Variants in RAB3GAP2 observed in about 807,000 individuals in gnomAD.
RAB3GAP2 encodes RAB3 GTPase activating non-catalytic protein subunit 2.
Under a neutral mutation model 185.3 loss-of-function variants are expected in RAB3GAP2, and 87 were observed. The observed-to-expected ratio is 0.47, with a 90% CI of 0.39 to 0.56. The LOEUF (loss-of-function observed/expected upper bound fraction) is 0.56. Ranked by LOEUF, RAB3GAP2 falls within the 20% of genes least tolerant of loss-of-function variation. The pLI is 0.00. For synonymous variants in RAB3GAP2, 554 were observed against 576.1 expected (o/e 0.96, Z 0.55); for missense variants, 1,492 against 1,638.2 (o/e 0.91, Z 1.54).
At position 220,193,256 on chromosome 1, in the gene RAB3GAP2, T is replaced by C. The variant is rs1416551127; in HGVS notation, c.1254A>G (p.Ala418=). 4 of 1,614,036 alleles carry C rather than the reference T, an allele frequency of 2.5e-6. No individual in the cohort carries two copies. The highest frequency in any genetic ancestry group is 2.5e-6 in the Non-Finnish European group (3 of 1,179,940). The change falls in exon 13 of 35, where the codon GCA becomes GCG. Residue 418 remains alanine (A), a synonymous_variant. Coordinates refer to ENST00000358951, the MANE Select transcript of RAB3GAP2 (RefSeq NM_012414.4). ...AAGAAGTACCTTTCCACATGCGTATTGCAATTCCTCTAGCTACATCCAATA... is the reference window on the plus strand; with the variant it reads ...AAGAAGTACCTTTCCACATGCGTATCGCAATTCCTCTAGCTACATCCAATA... ...VILLDVARGI[A]IRMWKGYRDA...
At chr1:220,183,799 T>C (rs1291373428) in intron 19 of RAB3GAP2, among the ~76,000 whole-genome samples, 3 of 152,096 alleles carry the variant, frequency 2.0e-5, no homozygotes, top group Non-Finnish European at 4.4e-5. Flanking sequence ...ATATACTATA[T>C]GTACAAAAAC....
chr1:220,173,306 T>C (rs1383447294), intron 21 of RAB3GAP2, among the ~76,000 whole-genome samples: 3 of 152,240 alleles, frequency 2.0e-5, no homozygotes, highest in African/African-American at 7.2e-5. Context: ...TAAACCAGCA[T>C]ACCTACTTGA....
chr1:220,232,497 C>T (rs1659519690), intron 2 of RAB3GAP2, among the ~76,000 whole-genome samples: 1 of 152,328 alleles, frequency 6.6e-6, no homozygotes, highest in African/African-American at 2.4e-5. Flanking sequence ...TTGCCAGATG[C>T]TGGCCCCTGA....
intron 26 of RAB3GAP2, among the ~76,000 whole-genome samples, chr1:220,166,355 G>A (rs1658061979): frequency 6.6e-6 from 1 of 152,230 alleles, no homozygotes; most frequent in Non-Finnish European, 1.5e-5. Context: ...ATATAAGGAA[G>A]ATAAAGTTAA....
chr1:220,213,567 GT>G (rs975552205), intron 3 of RAB3GAP2, among the ~76,000 whole-genome samples: 2 of 151,574 alleles, frequency 1.3e-5, no homozygotes, highest in African/African-American at 2.4e-5. Context: ...AGCTCTGACT[GT>G]CCCTTGCAAG....
chr1:220,151,100 T>G lies in RAB3GAP2; in HGVS notation c.*151A>C, dbSNP rs1657743708. On this transcript the variant is annotated 3_prime_UTR_variant, in exon 35 of 35. Transcript: ENST00000358951. ...GAGTGGAATTTAGCCAGGGTTGCAC[T>G]TTTTAAAAGTTGTATATACTTTTAT... is the stretch of plus-strand genomic sequence containing the variant. 1.3e-6 allele frequency: 1 copy of G among 784,288 alleles called. No individual in the cohort carries two copies. Among genetic ancestry groups the G allele is most frequent in the East Asian group, 2.7e-5 (1 of 37,084 alleles). 48.6% of individuals were successfully genotyped at this position (784,288 alleles called of 1,614,324 possible). A position where few individuals can be genotyped will look rare whatever the true frequency, so the allele number is the denominator to read the frequency against.
intron 7 of RAB3GAP2, among the ~76,000 whole-genome samples, chr1:220,209,058 A>G: frequency 6.6e-6 from 1 of 151,876 alleles, no homozygotes; most frequent in East Asian, 1.9e-4. Context: ...CTTCCCATAC[A>G]CCATATTAGT....
chr1:220,259,416 G>A (rs1660093183), intron 1 of RAB3GAP2, among the ~76,000 whole-genome samples: 1 of 152,040 alleles, frequency 6.6e-6, no homozygotes, highest in Non-Finnish European at 1.5e-5. Flanking sequence ...AGAGAACTCA[G>A]AAATAAGGCC....
At chr1:220,163,738 TAC>T (rs1198209990) in intron 27 of RAB3GAP2, among the ~76,000 whole-genome samples, 2 of 71,718 alleles carry the variant, frequency 2.8e-5, no homozygotes, top group South Asian at 5.0e-4. Context: ...AATATATAAA[TAC>T]ATACATATAT....
At chr1:220,223,291 AAC>A (rs1359472166) in intron 2 of RAB3GAP2, among the ~76,000 whole-genome samples, 3 of 152,222 alleles carry the variant, frequency 2.0e-5, no homozygotes, top group Non-Finnish European at 2.9e-5. Flanking sequence ...CCTGCTCAGA[AAC>A]TATCATCTAG....
In RAB3GAP2 at chr1:220,232,831, C is replaced by G; in HGVS notation, c.148G>C (p.Gly50Arg). ...KSTDWEDDGW[G>R]AWEENEPQEP... ...TGTGGTTCATTTTCTTCCCATGCTCCCCAACCATCATCTTCCCAGTCTGTT... is the reference window on the plus strand; with the variant it reads ...TGTGGTTCATTTTCTTCCCATGCTCGCCAACCATCATCTTCCCAGTCTGTT... The change falls in exon 2 of 35, where the codon GGA becomes CGA. Residue 50 changes from glycine to arginine, a missense_variant. Around this residue, in one of 5 missense-constraint regions of RAB3GAP2, gnomAD observed 177 missense variants for 160.6 expected, o/e 1.10. Coordinates refer to ENST00000358951, the MANE Select transcript of RAB3GAP2 (RefSeq NM_012414.4). The G allele has an allele frequency of 6.2e-7, 1 of 1,613,772 alleles. No homozygotes were observed. The highest frequency in any genetic ancestry group is 8.5e-7 in the Non-Finnish European group (1 of 1,179,810).
intron 2 of RAB3GAP2, among the ~76,000 whole-genome samples, chr1:220,226,206 G>A (rs1402896548): frequency 6.6e-6 from 1 of 151,962 alleles, no homozygotes; most frequent in Non-Finnish European, 1.5e-5. Flanking sequence ...GTTTACTATT[G>A]AGCAAATCCC....
At chr1:220,174,125 C>T (rs1276816685) in intron 21 of RAB3GAP2, among the ~76,000 whole-genome samples, 1 of 151,638 alleles carries the variant, frequency 6.6e-6, no homozygotes, top group Non-Finnish European at 1.5e-5. Context: ...AATAAACCTG[C>T]CTGATTCTAT....
Position 220,167,508 on chromosome 1 carries a change from T to A in RAB3GAP2, c.2974A>T (p.Ile992Leu), listed in dbSNP as rs1658091883. The A allele has an allele frequency of 6.2e-7, 1 of 1,614,208 alleles. No individual in the cohort carries two copies. The highest frequency in any genetic ancestry group is 1.7e-5 in the Admixed American group (1 of 60,032). The stretch of plus-strand genomic sequence containing the variant: ...CTCATTATTTGTGTATCACCTGGTA[T>A]GGCTCCTAAGTCCATCTCCATCTCT... ...VSEMEMDLGAIPDLLHLAYEQ... is the reference protein window; with the variant it reads ...VSEMEMDLGALPDLLHLAYEQ... The change falls in exon 25 of 35, where the codon ATA becomes TTA. Residue 992 changes from isoleucine to leucine, a missense_variant. Ile to Leu is a conservative substitution (Grantham distance 5). This residue lies in a region of RAB3GAP2 where 681 missense variants were observed against 689.1 expected (regional missense o/e 0.99). Transcript: ENST00000358951.
At chr1:220,202,168 A>AAAT in intron 9 of RAB3GAP2, 108 bp downstream of exon 9, 5 of 1,234,196 alleles carry the variant, frequency 4.1e-6, no homozygotes, top group Non-Finnish European at 5.4e-6. Flanking sequence ...CCATCTTAAA[A>AAAT]AATAATAATA....
chr1:220,150,475 T>G lies in RAB3GAP2; in HGVS notation c.*776A>C, dbSNP rs1187573072. ...CCTTTTTTTTTTTTTTTTTTTTACA[T>G]AAGTTTTACAAGATAATACATTTTT... On this transcript the variant is annotated 3_prime_UTR_variant, in exon 35 of 35. Transcript: ENST00000358951. The G allele has an allele frequency of 7.0e-6, 1 of 143,318 alleles. No individual in the cohort carries two copies. 8.9% of individuals were successfully genotyped at this position (143,318 alleles called of 1,614,324 possible).
At chr1:220,173,880 C>T (rs750120903) in intron 21 of RAB3GAP2, among the ~76,000 whole-genome samples, 14 of 151,816 alleles carry the variant, frequency 9.2e-5, no homozygotes, top group Middle Eastern at 3.4e-3. Context: ...ATTAGCTGGG[C>T]GGGGTGGCAG....
intron 1 of RAB3GAP2, among the ~76,000 whole-genome samples, chr1:220,251,428 G>A (rs946402415): frequency 5.9e-5 from 9 of 152,128 alleles, no homozygotes; most frequent in African/African-American, 2.2e-4. Flanking sequence ...ATAAACTTTT[G>A]TAAAACAATA....
chr1:220,260,827 G>A (rs1389917022), intron 1 of RAB3GAP2, among the ~76,000 whole-genome samples: 5 of 152,198 alleles, frequency 3.3e-5, no homozygotes. Context: ...GAAGTATTCT[G>A]TATCTGTGCT....
Sources: allele counts gnomAD v4.1 joint callset (sites outside exome capture counted in the v4.1 genomes callset), GRCh38; gene constraint gnomAD v4.1.1; regional missense constraint gnomAD v4.1.1; transcripts MANE v1.5; gene names NCBI Gene and HGNC (gene_info 2026-07-23, HGNC 2026-07-21).